PLA2R1: variants seen among roughly 807,000 people sequenced by gnomAD.
PLA2R1 encodes the protein phospholipase A2 receptor 1.
In PLA2R1, 158 loss-of-function variants were observed where a neutral mutation model predicts 195.9. The ratio of observed to expected loss-of-function variants is 0.81; its 90% CI spans 0.71 to 0.92. The LOEUF (loss-of-function observed/expected upper bound fraction) is 0.92. Ranked by LOEUF, PLA2R1 falls within the 40% of genes least tolerant of loss-of-function variation. The pLI, the probability that PLA2R1 is intolerant of heterozygous loss-of-function variation, is 0.00. For synonymous variants in PLA2R1, 586 were observed against 598.2 expected, an observed-to-expected ratio of 0.98 and a Z score of 0.30; for missense variants, 1,626 against 1,764.6, an observed-to-expected ratio of 0.92 and a Z score of 1.41.
intron 2 of PLA2R1, 71 bp from the exon 3 acceptor site, chr2:160,042,269 G>A (rs1694570736): frequency 4.3e-6 from 6 of 1,381,088 alleles, no homozygotes; most frequent in South Asian, 1.3e-5. Context: ...GCTATATATC[G>A]AAAGCATTTT....
intron 1 of PLA2R1, among the ~76,000 whole-genome samples, chr2:160,048,999 C>T (rs967445644): frequency 3.3e-5 from 5 of 151,726 alleles, no homozygotes; most frequent in African/African-American, 9.7e-5. Context: ...CGCCACTACG[C>T]CCGGCTAATT....
chr2:159,989,546 T>C (rs1374078510), intron 11 of PLA2R1, among the ~76,000 whole-genome samples: 1 of 152,208 alleles, frequency 6.6e-6, no homozygotes, highest in Non-Finnish European at 1.5e-5. Flanking sequence ...GGTTCTAGTC[T>C]CAGCACAAAT....
intron 1 of PLA2R1, among the ~76,000 whole-genome samples, chr2:160,059,725 C>T (rs1380475544): frequency 6.6e-6 from 1 of 152,146 alleles, no homozygotes; most frequent in African/African-American, 2.4e-5. Context: ...CACAGTTCAA[C>T]ATGGCTGGGG....
At chr2:160,034,849 G>A (rs1178567467) in intron 3 of PLA2R1, among the ~76,000 whole-genome samples, 6 of 127,266 alleles carry the variant, frequency 4.7e-5, no homozygotes, top group African/African-American at 9.8e-5. Context: ...CGGGTGGATT[G>A]CTTGAGCCCA....
At chr2:160,004,786 A>G (rs969271310) in intron 11 of PLA2R1, among the ~76,000 whole-genome samples, 4 of 152,158 alleles carry the variant, frequency 2.6e-5, no homozygotes, top group African/African-American at 9.7e-5. Context: ...GTTCTAGTGT[A>G]GGCTGTGGCG....
chr2:159,974,565 G>T (rs1036158807), intron 17 of PLA2R1, among the ~76,000 whole-genome samples: 3 of 152,190 alleles, frequency 2.0e-5, no homozygotes. Flanking sequence ...GAGGTGAGGA[G>T]TATGGTGTCT....
chr2:160,055,149 A>T (rs1695455328), intron 1 of PLA2R1, among the ~76,000 whole-genome samples: 1 of 152,204 alleles, frequency 6.6e-6, no homozygotes, highest in Admixed American at 6.5e-5. Context: ...GAGGCTTAAC[A>T]AGAAAGAGTA....
Position 160,028,357 on chromosome 2 carries a change from T to G in PLA2R1, c.960A>C (p.Val320=). The stretch of plus-strand genomic sequence containing the variant: ...GATCTTCAACAAATGGCTCAAAATT[T>G]ACCTCTGAAAATACAATGAGTGTCT... ...PLNYLNWSPE[V]NFEPFVEDHC... Residue 320 remains valine (V), a synonymous_variant, in exon 6 of 30, where the codon GTA becomes GTC. Coordinates refer to ENST00000283243, the MANE Select transcript of PLA2R1 (RefSeq NM_007366.5). 1 of 1,604,840 alleles carries G rather than the reference T, an allele frequency of 6.2e-7. No homozygotes were observed. Among genetic ancestry groups the G allele is most frequent in the Non-Finnish European group, 8.5e-7 (1 of 1,173,406 alleles).
At chr2:159,946,764 A>G (rs1344987996) in intron 27 of PLA2R1, 37 bp downstream of exon 27, 1 of 1,556,050 alleles carries the variant, frequency 6.4e-7, no homozygotes, top group East Asian at 2.4e-5. Context: ...ACAACCATGT[A>G]TTTATTTATG....
At chr2:160,008,836 C>T (rs1022099466) in intron 10 of PLA2R1, among the ~76,000 whole-genome samples, 2 of 152,048 alleles carry the variant, frequency 1.3e-5, no homozygotes, top group African/African-American at 2.4e-5. Context: ...ATTAAAAATT[C>T]CTATAACTAA....
chr2:160,048,818 A>T (rs954907636), intron 1 of PLA2R1, among the ~76,000 whole-genome samples: 1 of 150,952 alleles, frequency 6.6e-6, no homozygotes, highest in Non-Finnish European at 1.5e-5. Flanking sequence ...GAGAAAAAGG[A>T]TTCATTTATT....
chr2:159,989,102 G>T (rs1690569889), intron 11 of PLA2R1, among the ~76,000 whole-genome samples: 1 of 152,188 alleles, frequency 6.6e-6, no homozygotes, highest in African/African-American at 2.4e-5. Context: ...TAGAAGAAAA[G>T]AAAGTCAAGG....
intron 16 of PLA2R1, 99 bp downstream of exon 16, chr2:159,976,586 C>T (rs1689571919): frequency 5.2e-6 from 4 of 769,384 alleles, no homozygotes; most frequent in South Asian, 3.3e-5. Context: ...AAGAGAGGCT[C>T]GATTTGAGAA....
chr2:159,955,763 A>G lies in PLA2R1; in HGVS notation c.3088T>C (p.Tyr1030His), dbSNP rs767628720. 2.3e-5 allele frequency: 36 copies of G among 1,589,496 alleles called. No individual in the cohort carries two copies. In the East Asian group the frequency reaches 7.4e-4, roughly 33 times the overall value. ...SVWIGLQNDD[Y>H]ETWLNGKPVV... ...GGCTTTCCATTTAGCCATGTTTCAT[A>G]ATCATCATTTTGTAAACCTATCCAC... is the stretch of plus-strand genomic sequence containing the variant. Residue 1030 changes from tyrosine to histidine, a missense_variant, in exon 22 of 30, where the codon TAT becomes CAT. By Grantham distance (83) the Tyr-to-His change is moderately conservative. Transcript: ENST00000283243.
chr2:159,983,376 C>T (rs997379686), intron 13 of PLA2R1, among the ~76,000 whole-genome samples: 3 of 150,920 alleles, frequency 2.0e-5, no homozygotes, highest in Admixed American at 1.3e-4. Context: ...AAGATGGATA[C>T]AGATAAGGGA....
At chr2:159,992,227 A>AT (rs1690864063) in intron 11 of PLA2R1, among the ~76,000 whole-genome samples, 1 of 151,704 alleles carries the variant, frequency 6.6e-6, no homozygotes, top group African/African-American at 2.4e-5. Flanking sequence ...GATGATGAGC[A>AT]TTTTTTCATG....
chr2:159,955,855 T>C (rs1326484821), intron 21 of PLA2R1, 27 bp from the exon 22 acceptor site: 3 of 1,525,048 alleles, frequency 2.0e-6, no homozygotes, highest in Non-Finnish European at 2.7e-6. Context: ...CATTATCTAA[T>C]TTAATACTGT....
chr2:159,959,830 C>T (rs1177253741), intron 20 of PLA2R1, among the ~76,000 whole-genome samples: 3 of 152,144 alleles, frequency 2.0e-5, no homozygotes, highest in East Asian at 1.9e-4. Flanking sequence ...AAAAAGCCCC[C>T]TCACCCATCC....
At chr2:160,050,339 A>G (rs1212601877) in intron 1 of PLA2R1, among the ~76,000 whole-genome samples, 3 of 152,200 alleles carry the variant, frequency 2.0e-5, no homozygotes, top group Non-Finnish European at 4.4e-5. Flanking sequence ...GCTGGAAGGA[A>G]GACGGGTGTG....
Sources: allele counts gnomAD v4.1 joint callset (sites outside exome capture counted in the v4.1 genomes callset), GRCh38; gene constraint gnomAD v4.1.1; transcripts MANE v1.5; gene names NCBI Gene and HGNC (gene_info 2026-07-23, HGNC 2026-07-21).